ENTPD1: variants seen among roughly 807,000 people sequenced by gnomAD.
ENTPD1 encodes ectonucleoside triphosphate diphosphohydrolase 1, also known as ATP diphosphohydrolase.
In ENTPD1, 33 loss-of-function variants were observed where a neutral mutation model predicts 57.0. The observed-to-expected ratio is 0.58, with a 90% CI of 0.44 to 0.77. The LOEUF is 0.77. ENTPD1 is among the 30% of genes least tolerant of loss of function. The probability of loss-of-function intolerance (pLI) is 0.00; values close to 1 mark genes in which losing one functional copy is unlikely to be tolerated. For missense variants in ENTPD1, 501 were observed against 603.4 expected (o/e 0.83, Z 1.78); for synonymous variants, 202 against 218.8 (o/e 0.92, Z 0.68).
At chr10:95,735,869 T>C (rs537227819) in intron 1 of ENTPD1, among the ~76,000 whole-genome samples, 1 of 152,180 alleles carries the variant, frequency 6.6e-6, no homozygotes, top group Non-Finnish European at 1.5e-5. Flanking sequence ...AGGGTTGGGA[T>C]TACAGGCATG....
chr10:95,695,766 G>A, the ENTPD1 span, among the ~76,000 whole-genome samples: 1 of 152,116 alleles, frequency 6.6e-6, no homozygotes, highest in African/African-American at 2.4e-5. Flanking sequence ...TTTGTTCATT[G>A]AAATATCCCC....
chr10:95,745,904 G>T (rs1309174477), intron 1 of ENTPD1, among the ~76,000 whole-genome samples: 3 of 152,170 alleles, frequency 2.0e-5, no homozygotes, highest in Non-Finnish European at 4.4e-5. Context: ...CCCAAGCTCA[G>T]TTAGGGCATT....
chr10:95,705,060 C>G, the ENTPD1 span, among the ~76,000 whole-genome samples: 685 of 152,036 alleles, frequency 4.5e-3, 2 homozygotes, highest in Middle Eastern at 0.021. Context: ...CAAAGAAGTT[C>G]AAATGAAGAC....
chr10:95,846,011 A>G lies in ENTPD1; in HGVS notation c.813+415A>G, dbSNP rs1371903558. 2.0e-3 allele frequency: 414 copies of G among 204,012 alleles called. 1 individual carries two copies. The highest frequency in any genetic ancestry group is 3.4e-3 in the Non-Finnish European group (335 of 99,386). The allele number at this position is 204,012 out of a possible 1,614,324, so 12.6% of individuals were successfully genotyped here. A position where few individuals can be genotyped will look rare whatever the true frequency, so the allele number is the denominator to read the frequency against. On this transcript the variant is annotated intron_variant, in intron 6 of 9. Coordinates refer to ENST00000371205, the MANE Select transcript of ENTPD1 (RefSeq NM_001776.6). ...AAATGACCTGGAGAGGAGAAGGAAA[A>G]AAAAAAAAACACTTCAGGAGAAACA... is the stretch of plus-strand genomic sequence containing the variant.
rs1052930235 is a variant in ENTPD1, at chr10:95,870,843, A to C, written c.*4460A>C. 1.4e-4 allele frequency: 139 copies of C among 985,304 alleles called. No homozygotes were observed. Among genetic ancestry groups the C allele is most frequent in the Admixed American group, 6.1e-5 (1 of 16,264 alleles). 61.0% of individuals were successfully genotyped at this position (985,304 alleles called of 1,614,324 possible). A position where few individuals can be genotyped will look rare whatever the true frequency, so the allele number is the denominator to read the frequency against. Reference sequence around the variant, plus strand: ...GTCCTTTACTTTTTATAACAGCCTCAAAGTTTCATGAATTGCTGCAGTAAA... The same window carrying C: ...GTCCTTTACTTTTTATAACAGCCTCCAAGTTTCATGAATTGCTGCAGTAAA... On this transcript the variant is annotated 3_prime_UTR_variant, in exon 10 of 10. Coordinates refer to ENST00000371205, the MANE Select transcript of ENTPD1 (RefSeq NM_001776.6).
chr10:95,823,779 C>T (rs1566198118), intron 2 of ENTPD1, among the ~76,000 whole-genome samples: 3 of 152,204 alleles, frequency 2.0e-5, no homozygotes, highest in Non-Finnish European at 2.9e-5. Flanking sequence ...AAAACAATAA[C>T]GTTTATTATA....
rs1022418007 is a variant in ENTPD1, at chr10:95,868,108, C to A, written c.*1725C>A. 17 of 983,440 alleles carry A rather than the reference C, an allele frequency of 1.7e-5. No individual in the cohort carries two copies. The African/African-American group carries it at 2.6e-4, about 15-fold the overall frequency. The allele number at this position is 983,440 out of a possible 1,614,324, so 60.9% of individuals were successfully genotyped here. On this transcript the variant is annotated 3_prime_UTR_variant, in exon 10 of 10. Coordinates refer to ENST00000371205, the MANE Select transcript of ENTPD1 (RefSeq NM_001776.6). ...CATTCATCTTCTCATTTAATCCTCACAACAATCTGAAGAAGGTAGGTATTA... is the reference window on the plus strand; with the variant it reads ...CATTCATCTTCTCATTTAATCCTCAAAACAATCTGAAGAAGGTAGGTATTA...
At chr10:95,773,192 A>G (rs1252553496) in intron 1 of ENTPD1, among the ~76,000 whole-genome samples, 1 of 152,154 alleles carries the variant, frequency 6.6e-6, no homozygotes, top group Non-Finnish European at 1.5e-5. Flanking sequence ...ATCTGCCCCC[A>G]TGACCAAACA....
intron 1 of ENTPD1, among the ~76,000 whole-genome samples, chr10:95,720,661 C>A (rs2097976463): frequency 6.6e-6 from 1 of 152,226 alleles, no homozygotes; most frequent in Admixed American, 6.5e-5. Context: ...CTCATTCCTG[C>A]TGCTGGATCA....
chr10:95,785,175 G>A (rs2098174165), intron 1 of ENTPD1: 1 of 152,116 alleles, frequency 6.6e-6, no homozygotes, highest in South Asian at 2.1e-4. Flanking sequence ...TGCAGTGTCT[G>A]GGCAATTTCT....
the ENTPD1 span, among the ~76,000 whole-genome samples, chr10:95,705,448 A>T: frequency 0.012 from 1,755 of 152,292 alleles, 93 homozygotes; most frequent in Admixed American, 0.084. Context: ...GAATAATAAT[A>T]TTGCAATGAA....
At chr10:95,864,939 G>T in intron 9 of ENTPD1, 78 bp downstream of exon 9, 1 of 1,529,164 alleles carries the variant, frequency 6.5e-7, no homozygotes, top group East Asian at 2.3e-5. Flanking sequence ...GCTTGAAAAA[G>T]GGGGGAGTCA....
In ENTPD1 at chr10:95,844,564, A is replaced by T; in HGVS notation, c.502A>T (p.Ile168Phe). The T allele has an allele frequency of 1.9e-6, 3 of 1,614,222 alleles. No homozygotes were observed. The highest frequency in any genetic ancestry group is 2.5e-6 in the Non-Finnish European group (3 of 1,180,042). The change falls in exon 5 of 10, where the codon ATC becomes TTC. Residue 168 changes from isoleucine (I) to phenylalanine (F), a missense_variant. Coordinates refer to ENST00000371205, the MANE Select transcript of ENTPD1 (RefSeq NM_001776.6). ...CCCCTTTGACTTCCAGGGTGCCAGGATCATTACTGGCCAAGAGGAAGGTGC... is the reference window on the plus strand; with the variant it reads ...CCCCTTTGACTTCCAGGGTGCCAGGTTCATTACTGGCCAAGAGGAAGGTGC... The part of the protein sequence containing the change: ...NYPFDFQGAR[I>F]ITGQEEGAYG...
chr10:95,815,132 A>G (rs548000162), intron 1 of ENTPD1, among the ~76,000 whole-genome samples: 2 of 152,296 alleles, frequency 1.3e-5, no homozygotes, highest in South Asian at 4.1e-4. Flanking sequence ...TTAATTGGAG[A>G]AATATGGGGT....
intron 1 of ENTPD1, among the ~76,000 whole-genome samples, chr10:95,758,220 G>T (rs530482596): frequency 5.5e-4 from 84 of 151,992 alleles, no homozygotes; most frequent in African/African-American, 1.9e-3. Flanking sequence ...GGCCTATCTG[G>T]TACTCTGCTT....
At chr10:95,823,182 A>G (rs2098359958) in intron 1 of ENTPD1, 55 bp from the exon 2 acceptor site, 1 of 1,610,168 alleles carries the variant, frequency 6.2e-7, no homozygotes, top group Non-Finnish European at 8.5e-7. Context: ...AAGGGGAGGA[A>G]AATCAGTGTT....
chr10:95,809,198 A>G (rs77285580), intron 1 of ENTPD1, among the ~76,000 whole-genome samples: 81,998 of 151,988 alleles, frequency 0.54, 22,550 homozygotes, highest in Admixed American at 0.63. Context: ...CGACAAAACC[A>G]CCATCGTCAT....
chr10:95,766,883 C>CTT (rs377239129), intron 1 of ENTPD1, among the ~76,000 whole-genome samples: 4,828 of 142,772 alleles, frequency 0.034, 113 homozygotes, highest in Non-Finnish European at 0.05. Context: ...TTGTAGCAAT[C>CTT]TTTTTTTTTT....
chr10:95,771,268 C>G (rs2098115045), intron 1 of ENTPD1, among the ~76,000 whole-genome samples: 1 of 152,132 alleles, frequency 6.6e-6, no homozygotes, highest in Admixed American at 6.5e-5. Flanking sequence ...CTTCCAGTTA[C>G]TTTCCAAATT....
Sources: allele counts gnomAD v4.1 joint callset (sites outside exome capture counted in the v4.1 genomes callset), GRCh38; gene constraint gnomAD v4.1.1; transcripts MANE v1.5; gene names NCBI Gene and HGNC (gene_info 2026-07-23, HGNC 2026-07-21).